SIPA1L3: variants seen among roughly 807,000 people sequenced by gnomAD.
SIPA1L3 encodes the protein signal-induced proliferation-associated 1-like protein 3.
Under a neutral mutation model 150.1 loss-of-function variants are expected in SIPA1L3, and 59 were observed. The observed-to-expected ratio is 0.39, with a 90% CI of 0.32 to 0.49. SIPA1L3 has a LOEUF of 0.49. Ranked by LOEUF, SIPA1L3 falls within the 20% of genes least tolerant of loss-of-function variation. The probability of loss-of-function intolerance (pLI) is 0.86; values close to 1 mark genes in which losing one functional copy is unlikely to be tolerated. For synonymous variants in SIPA1L3, 1,070 were observed against 1,077.6 expected, an observed-to-expected ratio of 0.99 and a Z score of 0.14; for missense variants, 2,211 against 2,489.5, an observed-to-expected ratio of 0.89 and a Z score of 2.38.
intron 10 of SIPA1L3, among the ~76,000 whole-genome samples, chr19:38,136,613 T>A (rs558420210): frequency 7.9e-5 from 12 of 151,990 alleles, no homozygotes; most frequent in African/African-American, 2.2e-4. Flanking sequence ...CAAAAAAAAA[T>A]TTTTTTAATC....
intron 2 of SIPA1L3, among the ~76,000 whole-genome samples, chr19:38,072,661 G>A (rs183652256): frequency 3.4e-4 from 52 of 152,382 alleles, no homozygotes; most frequent in Admixed American, 1.2e-3. Flanking sequence ...GGCCACATGG[G>A]TTGCTCCAGA....
At chr19:37,966,932 T>A (rs1425817983) in intron 1 of SIPA1L3, among the ~76,000 whole-genome samples, 1 of 152,090 alleles carries the variant, frequency 6.6e-6, no homozygotes, top group Non-Finnish European at 1.5e-5. Context: ...GCTGGGGAAT[T>A]CGGTGCAGGT....
At chr19:38,062,692 C>T (rs994921609) in intron 2 of SIPA1L3, among the ~76,000 whole-genome samples, 18 of 151,974 alleles carry the variant, frequency 1.2e-4, no homozygotes, top group African/African-American at 2.9e-4. Flanking sequence ...GTGATCTCAG[C>T]GCACTGTAAC....
chr19:38,119,662 G>A lies in SIPA1L3; in HGVS notation c.2648G>A (p.Gly883Glu), dbSNP rs1387155309. The change falls in exon 9 of 22, where the codon GGG becomes GAG. Residue 883 changes from glycine (G) to glutamate (E), a missense_variant. Physicochemically the swap from Gly to Glu is moderately conservative, Grantham distance 98. This residue lies in a region of SIPA1L3 where 625 missense variants were observed against 804.2 expected (regional missense o/e 0.78). Transcript: ENST00000222345. Reference sequence around the variant, plus strand: ...GTGGTGGCCCAGGACTACGCCCAGGGGGTGGAAATCGACTGCATTTTGGGA... The same window carrying A: ...GTGGTGGCCCAGGACTACGCCCAGGAGGTGGAAATCGACTGCATTTTGGGA... ...WRVVAQDYAQ[G>E]VEIDCILGIS... The A allele has an allele frequency of 3.7e-6, 6 of 1,614,192 alleles. No homozygotes were observed. The highest frequency in any genetic ancestry group is 1.3e-5 in the African/African-American group (1 of 75,048).
chr19:38,076,944 A>G (rs1303787851), intron 2 of SIPA1L3, among the ~76,000 whole-genome samples: 1 of 152,218 alleles, frequency 6.6e-6, no homozygotes, highest in Non-Finnish European at 1.5e-5. Context: ...AGGCATACCT[A>G]TAGATTGTAA....
intron 18 of SIPA1L3, among the ~76,000 whole-genome samples, chr19:38,197,951 C>T (rs182131508): frequency 4.0e-5 from 6 of 150,018 alleles, no homozygotes; most frequent in African/African-American, 7.4e-5. Context: ...AGAACACAGT[C>T]GTCACTGGGA....
At chr19:38,137,754 G>C (rs1971466760) in intron 10 of SIPA1L3, among the ~76,000 whole-genome samples, 1 of 152,112 alleles carries the variant, frequency 6.6e-6, no homozygotes, top group Admixed American at 6.6e-5. Context: ...ACTGAGTTGT[G>C]TGAGTAGCTG....
chr19:37,930,867 A>C lies in SIPA1L3; in HGVS notation c.-379+23509A>C, dbSNP rs2046548049. 3.7e-5 allele frequency among the ~76,000 whole-genome samples: 5 copies of C among 136,572 alleles called. No homozygotes were observed. The South Asian group carries it at 1.3e-3, about 36-fold the overall frequency. The allele number at this position is 136,572 out of a possible 152,430, so 89.6% of individuals were successfully genotyped here. ...CCAACAGCACCCGACCCAAAGCAGC[A>C]CTCATACAATATGTATCAGCTAATC... is the stretch of plus-strand genomic sequence containing the variant. On this transcript the variant is annotated intron_variant, in intron 1 of 21. Transcript: ENST00000222345.
chr19:38,162,041 G>A (rs1170562710), intron 13 of SIPA1L3, among the ~76,000 whole-genome samples: 2 of 152,176 alleles, frequency 1.3e-5, no homozygotes, highest in Non-Finnish European at 2.9e-5. Context: ...GAGGGAAATG[G>A]GATATTGCAC....
intron 20 of SIPA1L3, 23 bp downstream of exon 20, chr19:38,202,020 C>CG: frequency 6.3e-7 from 1 of 1,593,874 alleles, no homozygotes. Context: ...TGGGAACACC[C>CG]GGGTTCATAC....
At chr19:37,920,750 C>T (rs1423070820) in intron 1 of SIPA1L3, among the ~76,000 whole-genome samples, 3 of 152,168 alleles carry the variant, frequency 2.0e-5, no homozygotes, top group South Asian at 2.1e-4. Context: ...CAATACTTGG[C>T]CCAAGGCTTT....
chr19:38,028,693 T>C (rs1968571952), intron 1 of SIPA1L3, among the ~76,000 whole-genome samples: 2 of 89,088 alleles, frequency 2.2e-5, no homozygotes, highest in East Asian at 3.2e-4. Context: ...CAGTAAATAC[T>C]TTTTTTTTTT....
At chr19:37,944,492 G>A (rs1426895496) in intron 1 of SIPA1L3, among the ~76,000 whole-genome samples, 1 of 152,104 alleles carries the variant, frequency 6.6e-6, no homozygotes, top group African/African-American at 2.4e-5. Context: ...ATCTCCCTGT[G>A]CCTTGATTTC....
intron 1 of SIPA1L3, among the ~76,000 whole-genome samples, chr19:37,951,772 C>G (rs1020821628): frequency 1.3e-5 from 2 of 151,762 alleles, no homozygotes; most frequent in Non-Finnish European, 2.9e-5. Context: ...TGGCGGGCGC[C>G]TGTAGTCCCA....
chr19:38,201,743 G>A (rs1031674529), intron 19 of SIPA1L3, 119 bp from the exon 20 acceptor site: 57 of 1,122,540 alleles, frequency 5.1e-5, no homozygotes, highest in Non-Finnish European at 6.9e-5. Flanking sequence ...TGCCGATGCA[G>A]TCTGTCCCAA....
intron 2 of SIPA1L3, among the ~76,000 whole-genome samples, chr19:38,034,980 T>C (rs1177997864): frequency 6.6e-6 from 1 of 152,170 alleles, no homozygotes; most frequent in East Asian, 1.9e-4. Context: ...TCTGCCCTCA[T>C]GCGGCTCCCC....
rs147343033 is a variant in SIPA1L3, at chr19:38,006,555, C to T, written c.-378-22534C>T. Among the ~76,000 whole-genome samples, 148 of 152,302 alleles carry T rather than the reference C, an allele frequency of 9.7e-4. 2 individuals are homozygous for T. The East Asian group carries it at 0.019, about 20-fold the overall frequency. Reference sequence around the variant, plus strand: ...GCGTCTCAGACACATGGAAAGATACCTGACTCTGGGCGTAATAAGAGAAAT... The same window carrying T: ...GCGTCTCAGACACATGGAAAGATACTTGACTCTGGGCGTAATAAGAGAAAT... On this transcript the variant is annotated intron_variant, in intron 1 of 21. Coordinates refer to ENST00000222345, the MANE Select transcript of SIPA1L3 (RefSeq NM_015073.3).
intron 15 of SIPA1L3, among the ~76,000 whole-genome samples, chr19:38,175,955 C>T (rs1450795503): frequency 6.6e-6 from 1 of 152,052 alleles, no homozygotes; most frequent in Non-Finnish European, 1.5e-5. Context: ...CGCCTGTAAT[C>T]CCAGCACTTT....
rs10718226 is a variant in SIPA1L3, at chr19:38,065,411, CTTT to C, written c.-310-15826_-310-15824del. 1.0e-3 allele frequency among the ~76,000 whole-genome samples: 122 copies of C among 122,360 alleles called. 2 individuals are homozygous for C. The East Asian group carries it at 0.02, about 20-fold the overall frequency. The allele number at this position is 122,360 out of a possible 152,430, so 80.3% of individuals were successfully genotyped here. On this transcript the variant is annotated intron_variant, in intron 2 of 21. Coordinates refer to ENST00000222345, the MANE Select transcript of SIPA1L3 (RefSeq NM_015073.3). ...GCTCATGTTTTCCCTCACATGCTGA[CTTT>C]TTTTTTTTTTTTTTTTTTAAGATGG... is the stretch of plus-strand genomic sequence containing the variant.
Sources: gnomAD v4.1 joint callset for allele counts (sites outside exome capture counted in the v4.1 genomes callset) on GRCh38, gnomAD v4.1.1 for gene constraint, gnomAD v4.1.1 regional missense constraint, MANE v1.5 for transcripts, NCBI Gene and HGNC (gene_info 2026-07-23, HGNC 2026-07-21) for gene names.